The following STAG2 variants were observed in gnomAD, a reference collection of about 807,000 sequenced individuals.
STAG2 encodes cohesin subunit SA-2.
STAG2 carries 14 observed loss-of-function variants against 108.1 expected under a neutral mutation model. The observed-to-expected ratio is 0.13, with a 90% CI of 0.09 to 0.20. The LOEUF (loss-of-function observed/expected upper bound fraction) is 0.20. Among genes scored for constraint, STAG2 ranks in the 10% least tolerant of loss-of-function variants. The pLI, the probability that STAG2 is intolerant of heterozygous loss-of-function variation, is 1.00. For synonymous variants in STAG2, 307 were observed against 302.7 expected (o/e 1.01, Z -0.15); for missense variants, 440 against 940.9 (o/e 0.47, Z 6.96).
intron 30 of STAG2, among the ~76,000 whole-genome samples, chrX:124,088,205 A>AC (rs1040787632): frequency 1.7e-4 from 19 of 111,080 alleles, no homozygotes; most frequent in African/African-American, 6.2e-4. Flanking sequence ...CCTCATGGAA[A>AC]CACATGAATG....
chrX:124,098,812 G>T (rs1188406669), intron 34 of STAG2, among the ~76,000 whole-genome samples: 1 of 110,898 alleles, frequency 9.0e-6, no homozygotes, highest in Non-Finnish European at 1.9e-5. Context: ...CATTATCCAG[G>T]AGTGGTAATA....
At chrX:123,977,448 T>C (rs991094030) in intron 1 of STAG2, among the ~76,000 whole-genome samples, 1 of 111,354 alleles carries the variant, frequency 9.0e-6, no homozygotes, top group African/African-American at 3.3e-5. Flanking sequence ...TCTGCTGTTT[T>C]TTTTCCCCCC....
intron 6 of STAG2, among the ~76,000 whole-genome samples, chrX:124,039,785 C>T (rs768577360): frequency 2.7e-5 from 3 of 109,568 alleles, no homozygotes; most frequent in East Asian, 2.8e-4. Flanking sequence ...CCACCCCTCC[C>T]GCCTGAGTTT....
rs192922476 is a variant in STAG2 at position 124,070,141 on chromosome X, C to T, written c.2359-1008C>T. Among the ~76,000 whole-genome samples the T allele has an allele frequency of 1.4e-3, 153 of 111,660 alleles. 1 individual carries two copies. Among genetic ancestry groups the T allele is most frequent in the African/African-American group, 4.8e-3 (148 of 30,786 alleles). On this transcript the variant is annotated intron_variant, in intron 24 of 34. Coordinates refer to ENST00000371145, the MANE Select transcript of STAG2 (RefSeq NM_001042750.2). ...GCTTCCCAGAATGTGTCCTGGTCAG[C>T]TCACTTGATTTGCCAGTTCAGCTAA...
chrX:124,061,619 C>T, intron 16 of STAG2, 152 bp from the exon 17 acceptor site: 1 of 454,854 alleles, frequency 2.2e-6, no homozygotes, highest in Admixed American at 4.8e-5. Flanking sequence ...GTGATGTTTT[C>T]TGTGATAAAG....
chrX:124,045,360 C>A lies in STAG2; in HGVS notation c.659C>A (p.Thr220Asn). The A allele has an allele frequency of 8.3e-7, 1 of 1,202,626 alleles. No homozygotes were observed. Among genetic ancestry groups the A allele is most frequent in the African/African-American group, 1.7e-5 (1 of 57,460 alleles). Residue 220 changes from threonine to asparagine, a missense_variant, in exon 8 of 35, where the codon ACC (threonine) becomes AAC (asparagine). Transcript: ENST00000371145. ...GTCAGAGCATTTCGACATACAAGCA[C>A]CCTGGCAGGTCGGTATTTAGAAATA... ...SQVRAFRHTS[T>N]LAAMKLMTAL...
At chrX:124,042,382 A>G (rs1193989450) in intron 6 of STAG2, among the ~76,000 whole-genome samples, 187 bp from the exon 7 acceptor site, 2 of 112,307 alleles carry the variant, frequency 1.8e-5, no homozygotes, top group East Asian at 5.5e-4. Context: ...CATACTGAGA[A>G]TAGATAGCAT....
chrX:123,980,820 C>T (rs2054838861), intron 1 of STAG2, among the ~76,000 whole-genome samples: 2 of 112,101 alleles, frequency 1.8e-5, no homozygotes, highest in African/African-American at 6.5e-5. Context: ...TAATACAATA[C>T]TGCAATTTGA....
intron 25 of STAG2, among the ~76,000 whole-genome samples, chrX:124,072,495 A>G (rs186681003): frequency 6.6e-4 from 73 of 111,385 alleles, no homozygotes; most frequent in Middle Eastern, 4.6e-3. Context: ...TGAAGTTTAT[A>G]TACTTTGAGT....
At chrX:124,065,072 A>G (rs1318691051) in intron 20 of STAG2, among the ~76,000 whole-genome samples, 1 of 111,298 alleles carries the variant, frequency 9.0e-6, no homozygotes, top group Non-Finnish European at 1.9e-5. Context: ...TTTGGTGTAT[A>G]TTGTTATTCC....
rs553905695 is a variant in STAG2, at chrX:124,097,960, G to A, written c.3783+2511G>A. On this transcript the variant is annotated intron_variant, in intron 34 of 34. Coordinates refer to ENST00000371145, the MANE Select transcript of STAG2 (RefSeq NM_001042750.2). ...GCAGTTAGGATCACCATTTTTTAATGTATTTGTCTAATGTCAGGAGAACTT... is the reference window on the plus strand; with the variant it reads ...GCAGTTAGGATCACCATTTTTTAATATATTTGTCTAATGTCAGGAGAACTT... 5.5e-4 allele frequency among the ~76,000 whole-genome samples: 60 copies of A among 109,653 alleles called. No homozygotes were observed. In the South Asian group the frequency reaches 0.016, roughly 28 times the overall value.
chrX:124,065,792 T>A, intron 20 of STAG2, 84 bp from the exon 21 acceptor site: 1 of 665,135 alleles, frequency 1.5e-6, no homozygotes, highest in Non-Finnish European at 2.1e-6. Flanking sequence ...TATGTTATTT[T>A]TCATTTTTCA....
intron 5 of STAG2, among the ~76,000 whole-genome samples, chrX:124,034,875 G>A (rs868836364): frequency 4.0e-4 from 40 of 99,872 alleles, no homozygotes; most frequent in African/African-American, 6.5e-4. Flanking sequence ...TGTTGTTGTT[G>A]TTGTTATTAT....
At chrX:123,994,017 G>A (rs746231414) in intron 1 of STAG2, among the ~76,000 whole-genome samples, 3 of 111,528 alleles carry the variant, frequency 2.7e-5, no homozygotes, top group South Asian at 3.8e-4. Flanking sequence ...CAGAACACCC[G>A]AGGCTGGGTA....
chrX:124,039,012 A>G (rs2057608998), intron 6 of STAG2, among the ~76,000 whole-genome samples: 1 of 110,437 alleles, frequency 9.1e-6, no homozygotes, highest in Non-Finnish European at 1.9e-5. Context: ...GTTGTGTCAT[A>G]TAATCAAGGG....
chrX:124,040,963 C>T (rs777149597), intron 6 of STAG2, among the ~76,000 whole-genome samples: 1 of 101,786 alleles, frequency 9.8e-6, no homozygotes, highest in African/African-American at 3.6e-5. Context: ...CAGATTCAAG[C>T]GTTTCTCCTA....
intron 15 of STAG2, among the ~76,000 whole-genome samples, chrX:124,059,106 C>T (rs1050371316): frequency 8.9e-6 from 1 of 111,819 alleles, no homozygotes; most frequent in Non-Finnish European, 1.9e-5. Context: ...CACTTGAGGC[C>T]AGGAGTTTGA....
chrX:124,026,629 A>C (rs1438888921), intron 4 of STAG2: 1 of 243,801 alleles, frequency 4.1e-6, no homozygotes, highest in African/African-American at 2.8e-5. Flanking sequence ...AAAAGTCTTA[A>C]CAATACAGAA....
At position 124,077,998 on chromosome X, in the gene STAG2, T is replaced by C. The variant is rs1346835967; in HGVS notation, c.2715T>C (p.Ser905=). ...DYGDIIKETM[S]KTRQIDKIQC... is the part of the protein sequence containing the mutation. ...GAGATATCATCAAAGAAACAATGAG[T>C]AAAACAAGGCAGATAGACAAAATTC... The change falls in exon 27 of 35, where the codon AGT becomes AGC. Residue 905 remains serine, a synonymous_variant. Transcript: ENST00000371145. 1.7e-6 allele frequency: 2 copies of C among 1,195,485 alleles called. No individual in the cohort carries two copies. Among genetic ancestry groups the C allele is most frequent in the South Asian group, 3.7e-5 (2 of 54,177 alleles).
Sources: gnomAD v4.1 joint callset for allele counts (sites outside exome capture counted in the v4.1 genomes callset) on GRCh38, gnomAD v4.1.1 for gene constraint, MANE v1.5 for transcripts, NCBI Gene and HGNC (gene_info 2026-07-23, HGNC 2026-07-21) for gene names.